Variants in DPP6 observed in about 807,000 individuals in gnomAD.
DPP6 encodes dipeptidyl peptidase like 6.
A neutral mutation model predicts 122.6 loss-of-function variants in DPP6; 69 were observed. That is an observed-to-expected ratio of 0.56 (90% CI 0.46 to 0.69). The LOEUF (loss-of-function observed/expected upper bound fraction) is 0.69. DPP6 is among the 30% of genes least tolerant of loss of function. The pLI, the probability that DPP6 is intolerant of heterozygous loss-of-function variation, is 0.00. For missense variants in DPP6, 928 were observed against 1,116.9 expected, an observed-to-expected ratio of 0.83 and a Z score of 2.41; for synonymous variants, 418 against 433.1, an observed-to-expected ratio of 0.97 and a Z score of 0.43.
intron 1 of DPP6, among the ~76,000 whole-genome samples, chr7:154,169,186 C>A (rs1188216178): frequency 6.6e-6 from 1 of 152,188 alleles, no homozygotes; most frequent in Non-Finnish European, 1.5e-5. Context: ...AGAGAAGCTT[C>A]CTCTCTTCCA....
the DPP6 span, among the ~76,000 whole-genome samples, chr7:153,781,422 G>A: frequency 6.6e-6 from 1 of 152,226 alleles, no homozygotes; most frequent in Non-Finnish European, 1.5e-5. Flanking sequence ...ATTCTTGTGA[G>A]AGCTGCACTA....
intron 1 of DPP6, among the ~76,000 whole-genome samples, chr7:154,261,650 G>A (rs1324685326): frequency 6.6e-6 from 1 of 151,878 alleles, no homozygotes; most frequent in Non-Finnish European, 1.5e-5. Flanking sequence ...TCTGACAGAG[G>A]ACTAATATCC....
At chr7:154,702,385 C>T (rs1353955026) in intron 7 of DPP6, among the ~76,000 whole-genome samples, 12 of 152,240 alleles carry the variant, frequency 7.9e-5, no homozygotes, top group South Asian at 2.1e-4. Context: ...AAAAGCACCA[C>T]GATAGGCTGA....
chr7:154,142,628 A>G (rs1795903822), intron 1 of DPP6, among the ~76,000 whole-genome samples: 2 of 152,228 alleles, frequency 1.3e-5, no homozygotes, highest in South Asian at 4.1e-4. Flanking sequence ...AAATGATTGT[A>G]CAGTTGATTA....
At chr7:153,955,283 G>A (rs1802407809) in intron 1 of DPP6, among the ~76,000 whole-genome samples, 2 of 152,232 alleles carry the variant, frequency 1.3e-5, no homozygotes, top group Non-Finnish European at 2.9e-5. Flanking sequence ...GCTTCATGGA[G>A]AAATAAAATC....
At chr7:154,166,425 G>T (rs2150718839) in intron 1 of DPP6, among the ~76,000 whole-genome samples, 2 of 152,222 alleles carry the variant, frequency 1.3e-5, no homozygotes, top group South Asian at 4.1e-4. Flanking sequence ...CGGGAGCACT[G>T]TGCATCATAA....
At chr7:154,774,255 G>C (rs1796431946) in intron 10 of DPP6, among the ~76,000 whole-genome samples, 1 of 151,986 alleles carries the variant, frequency 6.6e-6, no homozygotes, top group Admixed American at 6.5e-5. Context: ...AATTGATTTG[G>C]CTGGTGATAT....
the DPP6 span, among the ~76,000 whole-genome samples, chr7:153,769,867 G>A: frequency 2.0e-5 from 3 of 152,212 alleles, no homozygotes; most frequent in East Asian, 1.9e-4. Flanking sequence ...CAAGTCAGAC[G>A]TCAATAGGCA....
chr7:154,767,022 G>A (rs1795946451), intron 8 of DPP6, among the ~76,000 whole-genome samples: 1 of 152,166 alleles, frequency 6.6e-6, no homozygotes, highest in Non-Finnish European at 1.5e-5. Flanking sequence ...AGATTGCTTT[G>A]GGTTCAAAGG....
the DPP6 span, among the ~76,000 whole-genome samples, chr7:153,853,851 T>C: frequency 6.1e-4 from 92 of 151,828 alleles, 1 homozygote; most frequent in African/African-American, 2.2e-3. Flanking sequence ...TTAGTTTAAT[T>C]AGATCCCATT....
At chr7:154,441,674 G>A (rs534836493) in intron 1 of DPP6, among the ~76,000 whole-genome samples, 26 of 152,142 alleles carry the variant, frequency 1.7e-4, no homozygotes, top group Non-Finnish European at 3.8e-4. Flanking sequence ...ACAGAGAGGC[G>A]TGGGCTCTAT....
intron 1 of DPP6, among the ~76,000 whole-genome samples, chr7:154,234,417 T>C (rs1563347719): frequency 6.6e-6 from 1 of 152,168 alleles, no homozygotes; most frequent in East Asian, 1.9e-4. Flanking sequence ...TCTCTATGGT[T>C]AACTTGCTAA....
At position 154,433,336 on chromosome 7, in the gene DPP6, T is replaced by G. The variant is rs557810901; in HGVS notation, c.244-12878T>G. Among the ~76,000 whole-genome samples, 77 of 7,354 alleles carry G rather than the reference T, an allele frequency of 0.01. No homozygotes were observed. The African/African-American group carries it at 0.14, about 13-fold the overall frequency. 4.8% of individuals were successfully genotyped at this position (7,354 alleles called of 152,430 possible). ...CTGACTAATTTTTGCATTTTTTTTG[T>G]TTTTGTTTTTTTAGTAGAGATGGGG... On this transcript the variant is annotated intron_variant, in intron 1 of 25. Coordinates refer to ENST00000377770, the MANE Select transcript of DPP6 (RefSeq NM_130797.4).
chr7:154,439,039 C>T, intron 1 of DPP6, among the ~76,000 whole-genome samples: 1 of 152,178 alleles, frequency 6.6e-6, no homozygotes, highest in Non-Finnish European at 1.5e-5. Context: ...ACCAGGGTGG[C>T]AAGCCCTTTT....
intron 1 of DPP6, among the ~76,000 whole-genome samples, chr7:154,283,753 A>G (rs1391347029): frequency 1.3e-5 from 2 of 152,154 alleles, no homozygotes; most frequent in Non-Finnish European, 2.9e-5. Flanking sequence ...ACTCCAAGCA[A>G]TTCCAAGCAT....
the DPP6 span, among the ~76,000 whole-genome samples, chr7:153,790,260 G>T: frequency 1.3e-5 from 2 of 152,036 alleles, no homozygotes; most frequent in African/African-American, 4.8e-5. Context: ...TTAAAATATA[G>T]GAGCATCTAG....
the DPP6 span, among the ~76,000 whole-genome samples, chr7:153,868,063 T>C: frequency 2.0e-5 from 3 of 152,330 alleles, no homozygotes; most frequent in South Asian, 2.1e-4. Flanking sequence ...CAGTATTTTA[T>C]TGAGGATTTT....
intron 6 of DPP6, among the ~76,000 whole-genome samples, chr7:154,653,828 T>G (rs745782098): frequency 6.6e-6 from 1 of 152,180 alleles, no homozygotes; most frequent in Non-Finnish European, 1.5e-5. Context: ...GATCTTGATA[T>G]TAGGTTTACA....
chr7:153,808,306 CAT>C, the DPP6 span, among the ~76,000 whole-genome samples: 4,463 of 145,998 alleles, frequency 0.031, 248 homozygotes, highest in African/African-American at 0.11. Flanking sequence ...TGTCTGCGCA[CAT>C]GTGTGCCTGT....
Sources: gnomAD v4.1 joint callset for allele counts (sites outside exome capture counted in the v4.1 genomes callset) on GRCh38, gnomAD v4.1.1 for gene constraint, MANE v1.5 for transcripts, NCBI Gene and HGNC (gene_info 2026-07-23, HGNC 2026-07-21) for gene names.